Variants in VEGFC observed in about 807,000 individuals in gnomAD.
VEGFC encodes FLT4 ligand DHM.
Under a neutral mutation model 46.1 loss-of-function variants are expected in VEGFC, and 12 were observed. The observed-to-expected ratio is 0.26, with a 90% CI of 0.17 to 0.42. VEGFC has a LOEUF of 0.42. Ranked by LOEUF, VEGFC falls within the 10% of genes least tolerant of loss-of-function variation. VEGFC has a pLI of 1.00. For missense variants in VEGFC, 488 were observed against 529.4 expected (o/e 0.92, Z 0.77); for synonymous variants, 232 against 195.5 (o/e 1.19, Z -1.56).
At chr4:176,732,454 C>T (rs1013086353) in intron 1 of VEGFC, among the ~76,000 whole-genome samples, 1 of 151,794 alleles carries the variant, frequency 6.6e-6, no homozygotes, top group Non-Finnish European at 1.5e-5. Flanking sequence ...CTCTTAGGTA[C>T]AGATTGGTTT....
chr4:176,719,026 T>C (rs1302148589), intron 3 of VEGFC, among the ~76,000 whole-genome samples: 2 of 152,204 alleles, frequency 1.3e-5, no homozygotes, highest in Non-Finnish European at 2.9e-5. Context: ...ACTTAGATAC[T>C]TGTGTGGAGA....
intron 1 of VEGFC, among the ~76,000 whole-genome samples, chr4:176,738,500 T>G (rs912516496): frequency 1.6e-4 from 24 of 152,080 alleles, no homozygotes; most frequent in African/African-American, 5.8e-4. Flanking sequence ...GCTAGCCACA[T>G]GCAGAAAATT....
chr4:176,726,542 G>A (rs1324679437), intron 3 of VEGFC, among the ~76,000 whole-genome samples: 3 of 152,022 alleles, frequency 2.0e-5, no homozygotes, highest in Non-Finnish European at 4.4e-5. Flanking sequence ...AAGTGGGTGA[G>A]CAATATAAAG....
chr4:176,690,645 T>G (rs1262747886), intron 4 of VEGFC, among the ~76,000 whole-genome samples: 4 of 152,190 alleles, frequency 2.6e-5, no homozygotes, highest in Non-Finnish European at 5.9e-5. Flanking sequence ...AAAATTTATA[T>G]CCTCTTGATA....
At chr4:176,769,885 G>C (rs1433058419) in intron 1 of VEGFC, among the ~76,000 whole-genome samples, 1 of 152,076 alleles carries the variant, frequency 6.6e-6, no homozygotes, top group Non-Finnish European at 1.5e-5. Flanking sequence ...GTACTCTCCA[G>C]TAATAACATA....
intron 1 of VEGFC, among the ~76,000 whole-genome samples, chr4:176,731,784 A>G (rs1022673018): frequency 6.6e-6 from 1 of 152,052 alleles, no homozygotes; most frequent in African/African-American, 2.4e-5. Flanking sequence ...CGAACTGTTA[A>G]GAAAGGGATG....
chr4:176,712,280 A>G (rs75641476), intron 3 of VEGFC, among the ~76,000 whole-genome samples: 3,026 of 152,280 alleles, frequency 0.02, 88 homozygotes, highest in African/African-American at 0.069. Flanking sequence ...ATCTTGGTAA[A>G]GGAATTATGA....
chr4:176,734,874 T>A (rs1361131081), intron 1 of VEGFC, among the ~76,000 whole-genome samples: 1 of 151,856 alleles, frequency 6.6e-6, no homozygotes, highest in Non-Finnish European at 1.5e-5. Flanking sequence ...TTTTTTAAAA[T>A]TTAAACTGAT....
Position 176,688,037 on chromosome 4 carries a change from TAAGAATTATGAGATAA to T in VEGFC, c.705-126_705-111del. 1.1e-5 allele frequency: 6 copies of T among 565,708 alleles called. No individual in the cohort carries two copies. The South Asian group carries it at 1.8e-4, about 17-fold the overall frequency. 35.0% of individuals were successfully genotyped at this position (565,708 alleles called of 1,614,324 possible). On this transcript the variant is annotated intron_variant, in intron 4 of 6. Transcript: ENST00000618562. Reference sequence around the variant, plus strand: ...TGCTCATAGAAAAGCTTTAAAAATATAAGAATTATGAGATAAAATGTGAATGTTTTCTCCCAAACTC... The same window carrying T: ...TGCTCATAGAAAAGCTTTAAAAATATAATGTGAATGTTTTCTCCCAAACTC...
intron 3 of VEGFC, among the ~76,000 whole-genome samples, chr4:176,718,700 G>T (rs2111006356): frequency 6.6e-6 from 1 of 152,172 alleles, no homozygotes; most frequent in Non-Finnish European, 1.5e-5. Context: ...AGTTCCTTGA[G>T]CTTGATTTAA....
chr4:176,792,288 AGAG>A lies in VEGFC; in HGVS notation c.21_23del (p.Ser8del). On this transcript the variant is annotated inframe_deletion, in exon 1 of 7. Coordinates refer to ENST00000618562, the MANE Select transcript of VEGFC (RefSeq NM_005429.5). This position sits in a 1 kb window ranked among gnomAD's most constrained non-coding sequence, Gnocchi z 6.3. ...CAGCGGCGAGCAGAGAACACGCCAC[AGAG>A]AAGAAGCCCAGCAAGTGCATGGTGG... 9.1e-6 allele frequency: 14 copies of A among 1,535,646 alleles called. No individual in the cohort carries two copies. The highest frequency in any genetic ancestry group is 2.4e-5 in the South Asian group (2 of 84,470).
rs189296543 is a variant in VEGFC at position 176,714,560 on chromosome 4, G to C, written c.553-2910C>G. Among the ~76,000 whole-genome samples, 341 of 152,316 alleles carry C rather than the reference G, an allele frequency of 2.2e-3. 2 individuals carry two copies. The highest frequency in any genetic ancestry group is 7.0e-3 in the African/African-American group (291 of 41,568). On this transcript the variant is annotated intron_variant, in intron 3 of 6. Coordinates refer to ENST00000618562, the MANE Select transcript of VEGFC (RefSeq NM_005429.5). ...GCATTGTCTCCAGTGAAACCAGGCA[G>C]GACAGAGCCTGATAGTGAAGGTAAG...
chr4:176,788,210 G>A lies in VEGFC; in HGVS notation c.147+3955C>T, dbSNP rs77995748. 1.7e-3 allele frequency among the ~76,000 whole-genome samples: 252 copies of A among 152,304 alleles called. 5 individuals carry two copies. In the East Asian group the frequency reaches 0.039, roughly 23 times the overall value. ...TTGTTAAGCCTCCAGTTAAGCAGTC[G>A]TTCTTATAATATTACCATGGATTAG... On this transcript the variant is annotated intron_variant, in intron 1 of 6. Transcript: ENST00000618562.
chr4:176,687,609 G>A, intron 5 of VEGFC, 89 bp from the exon 6 acceptor site: 2 of 1,318,676 alleles, frequency 1.5e-6, no homozygotes, highest in Non-Finnish European at 2.0e-6. Flanking sequence ...TCTTCCTTTT[G>A]TATGTTTTCC....
At chr4:176,760,398 G>T (rs11727268) in intron 1 of VEGFC, among the ~76,000 whole-genome samples, 125,273 of 152,084 alleles carry the variant, frequency 0.82, 53,228 homozygotes, top group East Asian at 1. Flanking sequence ...AAAGAAAAAA[G>T]AATTTCTCTA....
intron 1 of VEGFC, among the ~76,000 whole-genome samples, chr4:176,791,716 C>A (rs1300296835): frequency 1.3e-5 from 2 of 152,162 alleles, no homozygotes. Flanking sequence ...TGGTGCTCTG[C>A]AGACTATGAA....
At chr4:176,776,487 A>G (rs1443934428) in intron 1 of VEGFC, among the ~76,000 whole-genome samples, 23 of 152,254 alleles carry the variant, frequency 1.5e-4, no homozygotes, top group Non-Finnish European at 5.9e-5. Flanking sequence ...ACACTAAAAT[A>G]AAAAGGAGCC....
At chr4:176,752,977 G>A (rs1735365372) in intron 1 of VEGFC, among the ~76,000 whole-genome samples, 1 of 151,998 alleles carries the variant, frequency 6.6e-6, no homozygotes, top group Non-Finnish European at 1.5e-5. Context: ...TATTGATGGA[G>A]GGTAGAAACT....
intron 1 of VEGFC, among the ~76,000 whole-genome samples, chr4:176,775,144 T>C (rs1399898601): frequency 6.6e-6 from 1 of 152,144 alleles, no homozygotes; most frequent in Non-Finnish European, 1.5e-5. Flanking sequence ...CTGCTCCAAG[T>C]AGAAGCAAGT....
Sources: allele counts gnomAD v4.1 joint callset (sites outside exome capture counted in the v4.1 genomes callset), GRCh38; gene constraint gnomAD v4.1.1; non-coding constraint Gnocchi (gnomAD v3.1); transcripts MANE v1.5; gene names NCBI Gene and HGNC (gene_info 2026-07-23, HGNC 2026-07-21).